TRIO: variants seen among roughly 807,000 people sequenced by gnomAD.
TRIO encodes the protein triple functional domain protein.
TRIO carries 58 observed loss-of-function variants against 351.9 expected under a neutral mutation model. The ratio of observed to expected loss-of-function variants is 0.16; its 90% confidence interval spans 0.13 to 0.21. The LOEUF is 0.21. Among genes scored for constraint, TRIO ranks in the 10% least tolerant of loss-of-function variants. The probability of loss-of-function intolerance (pLI) is 1.00; values close to 1 mark genes in which losing one functional copy is unlikely to be tolerated. For synonymous variants in TRIO, 1,758 were observed against 1,595.7 expected (o/e 1.10, Z -2.42); for missense variants, 3,201 against 4,027.8 (o/e 0.79, Z 5.56).
intron 4 of TRIO, among the ~76,000 whole-genome samples, chr5:14,288,556 A>G (rs1251370655): frequency 6.6e-6 from 1 of 152,054 alleles, no homozygotes; most frequent in East Asian, 1.9e-4. Flanking sequence ...AGTCCCAGCT[A>G]CTTGGGAGGC....
intron 54 of TRIO, among the ~76,000 whole-genome samples, chr5:14,503,710 C>T (rs963262596): frequency 1.2e-4 from 19 of 152,210 alleles, no homozygotes; most frequent in African/African-American, 4.6e-4. Flanking sequence ...TTCAAGGGGA[C>T]GAATAGCCCC....
chr5:14,232,310 T>TC (rs566329978), intron 1 of TRIO, among the ~76,000 whole-genome samples: 92 of 152,156 alleles, frequency 6.0e-4, no homozygotes, highest in African/African-American at 2.1e-3. Flanking sequence ...TCCATACCAC[T>TC]CCCCCCAACC....
Position 14,394,119 on chromosome 5 carries a change from C to T in TRIO, c.4300C>T (p.Leu1434Phe), listed in dbSNP as rs1747352673. The T allele has an allele frequency of 6.2e-7, 1 of 1,609,904 alleles. No homozygotes were observed. Among genetic ancestry groups the T allele is most frequent in the Non-Finnish European group, 8.5e-7 (1 of 1,176,978 alleles). The change falls in exon 28 of 57, where the codon CTC becomes TTC. Residue 1434 changes from leucine (L) to phenylalanine (F), a missense_variant. By Grantham distance (22) the Leu-to-Phe change is conservative. Around this residue, in one of 19 missense-constraint regions of TRIO, gnomAD observed 115 missense variants for 239.6 expected, o/e 0.48. Coordinates refer to ENST00000344204, the MANE Select transcript of TRIO (RefSeq NM_007118.4). ...AGTTCAGCGAATAACGAAGTATCAG[C>T]TCCTTTTAAAAGTATGTATAATGCG... is the stretch of plus-strand genomic sequence containing the variant. ...KPVQRITKYQ[L>F]LLKELLTCCE... is the part of the protein sequence containing the mutation.
chr5:14,257,044 T>C (rs368542217), intron 1 of TRIO, among the ~76,000 whole-genome samples: 1 of 152,322 alleles, frequency 6.6e-6, no homozygotes. Context: ...AGTGGGAAGA[T>C]CCTGTTTATT....
chr5:14,281,424 A>ACCCCCCCCCCCCCCCCCCCCC (rs3061076), intron 3 of TRIO, among the ~76,000 whole-genome samples: 7 of 89,332 alleles, frequency 7.8e-5, no homozygotes, highest in African/African-American at 1.4e-4. Context: ...AGCCGTTAGA[A>ACCCCCCCCCCCCCCCCCCCCC]CCCCCCCCCC....
At chr5:14,259,612 C>T (rs1795226811) in intron 1 of TRIO, among the ~76,000 whole-genome samples, 1 of 152,078 alleles carries the variant, frequency 6.6e-6, no homozygotes, top group African/African-American at 2.4e-5. Context: ...CCAGTGGTTG[C>T]CAGCATCAGT....
chr5:14,217,453 G>T (rs1341486586), intron 1 of TRIO, among the ~76,000 whole-genome samples: 1 of 151,962 alleles, frequency 6.6e-6, no homozygotes, highest in South Asian at 2.1e-4. Context: ...CTTCTCCCTC[G>T]TGCTGTCCCC....
At chr5:14,429,886 G>A (rs973525594) in intron 34 of TRIO, among the ~76,000 whole-genome samples, 7 of 152,110 alleles carry the variant, frequency 4.6e-5, no homozygotes, top group African/African-American at 1.7e-4. Flanking sequence ...TTTTGCTCCT[G>A]GCTTTTATCC....
At chr5:14,265,554 A>G (rs970623690) in intron 1 of TRIO, among the ~76,000 whole-genome samples, 2 of 152,210 alleles carry the variant, frequency 1.3e-5, no homozygotes, top group Non-Finnish European at 2.9e-5. Context: ...AAATATTTCT[A>G]GGGTGCTTTT....
At position 14,488,177 on chromosome 5, in the gene TRIO, G is replaced by A. The variant is rs747483418; in HGVS notation, c.7549G>A (p.Ala2517Thr). The part of the protein sequence containing the change: ...DSLQRQTPRH[A>T]APGKDTDRMS... ...CCTCCAGCGGCAGACACCCCGCCAC[G>A]CGGCCCCTGGCAAGGATACTGACCG... Residue 2517 changes from alanine to threonine, a missense_variant, in exon 48 of 57, where the codon GCG becomes ACG. By Grantham distance (58) the Ala-to-Thr change is moderately conservative (BLOSUM62 0). This residue lies in a region of TRIO where 1,089 missense variants were observed against 954.9 expected (regional missense o/e 1.14). Transcript: ENST00000344204. 208 of 1,601,268 alleles carry A rather than the reference G, an allele frequency of 1.3e-4. No individual in the cohort carries two copies. Among genetic ancestry groups the A allele is most frequent in the Non-Finnish European group, 2.9e-5 (34 of 1,178,916 alleles).
In TRIO at chr5:14,502,107, T is replaced by C. The variant is rs956405654; in HGVS notation, c.8333-472T>C. 7.9e-5 allele frequency among the ~76,000 whole-genome samples: 12 copies of C among 152,188 alleles called. 1 individual carries two copies. Among genetic ancestry groups the C allele is most frequent in the Non-Finnish European group, 1.5e-5 (1 of 68,032 alleles). Reference sequence around the variant, plus strand: ...ACGTTAAGTAAATACTGTGGACTCTTGATCTCTCACGGCTGTGAAAGGAGG... The same window carrying C: ...ACGTTAAGTAAATACTGTGGACTCTCGATCTCTCACGGCTGTGAAAGGAGG... On this transcript the variant is annotated intron_variant, in intron 53 of 56. Coordinates refer to ENST00000344204, the MANE Select transcript of TRIO (RefSeq NM_007118.4).
chr5:14,403,234 G>C (rs1403838580), intron 31 of TRIO, among the ~76,000 whole-genome samples: 2 of 143,074 alleles, frequency 1.4e-5, no homozygotes, highest in Admixed American at 1.4e-4. Context: ...TGAGGGTGTA[G>C]GTTGTGGTGA....
At chr5:14,501,010 G>A (rs960738383) in intron 53 of TRIO, among the ~76,000 whole-genome samples, 1 of 149,424 alleles carries the variant, frequency 6.7e-6, no homozygotes, top group Non-Finnish European at 1.5e-5. Context: ...TCACAGAGTC[G>A]CCATTTATGT....
chr5:14,417,770 G>C (rs1336870827), intron 33 of TRIO, among the ~76,000 whole-genome samples: 1 of 152,240 alleles, frequency 6.6e-6, no homozygotes, highest in African/African-American at 2.4e-5. Context: ...GAAAATCCAG[G>C]CTTCGTTTTG....
chr5:14,392,304 A>G (rs1747154868), intron 27 of TRIO, among the ~76,000 whole-genome samples: 1 of 152,322 alleles, frequency 6.6e-6, no homozygotes, highest in East Asian at 1.9e-4. Flanking sequence ...AAAAGAAGAC[A>G]TTTATGCAGC....
Position 14,459,160 on chromosome 5 carries a change from G to A in TRIO, c.5204-1859G>A, listed in dbSNP as rs927778390. On this transcript the variant is annotated intron_variant, in intron 34 of 56. Coordinates refer to ENST00000344204, the MANE Select transcript of TRIO (RefSeq NM_007118.4). The stretch of plus-strand genomic sequence containing the variant: ...ATCTTCACTAATCTGTGTCTTGGGC[G>A]AAGGAAGGAACGGGACAGCAGTGAG... Among the ~76,000 whole-genome samples the A allele has an allele frequency of 3.3e-5, 5 of 152,166 alleles. No individual in the cohort carries two copies. The East Asian group carries it at 9.6e-4, about 29-fold the overall frequency.
chr5:14,270,336 C>T (rs1430548819), intron 1 of TRIO, among the ~76,000 whole-genome samples: 1 of 152,294 alleles, frequency 6.6e-6, no homozygotes, highest in African/African-American at 2.4e-5. Flanking sequence ...TTATAATCCC[C>T]TCTCTCCGCC....
chr5:14,446,998 A>T (rs1752487418), intron 34 of TRIO, among the ~76,000 whole-genome samples: 1 of 152,224 alleles, frequency 6.6e-6, no homozygotes, highest in Admixed American at 6.5e-5. Context: ...TGGGAGGCCG[A>T]GGTGGGCAGA....
At chr5:14,368,635 T>C (rs551920751) in intron 16 of TRIO, 73 bp from the exon 17 acceptor site, 7 of 1,492,046 alleles carry the variant, frequency 4.7e-6, no homozygotes, top group Non-Finnish European at 3.6e-6. Context: ...AGAGTAACTG[T>C]AGCCATCCTG....
Sources: gnomAD v4.1 joint callset for allele counts (sites outside exome capture counted in the v4.1 genomes callset) on GRCh38, gnomAD v4.1.1 for gene constraint, gnomAD v4.1.1 regional missense constraint, MANE v1.5 for transcripts, NCBI Gene and HGNC (gene_info 2026-07-23, HGNC 2026-07-21) for gene names.